Variants in TMEM178B observed in about 807,000 individuals in gnomAD.
TMEM178B encodes the protein transmembrane protein 178B.
Under a neutral mutation model 31.0 loss-of-function variants are expected in TMEM178B, and 5 were observed. The observed-to-expected ratio is 0.16, with a 90% CI of 0.08 to 0.34. The LOEUF (loss-of-function observed/expected upper bound fraction) is 0.34. Ranked by LOEUF, TMEM178B falls within the 10% of genes least tolerant of loss-of-function variation. TMEM178B has a pLI of 1.00. For missense variants in TMEM178B, 275 were observed against 400.3 expected, an observed-to-expected ratio of 0.69 and a Z score of 2.67; for synonymous variants, 164 against 164.0, an observed-to-expected ratio of 1.00 and a Z score of 0.00.
At chr7:141,213,043 G>T (rs183303236) in intron 2 of TMEM178B, among the ~76,000 whole-genome samples, 67 of 152,304 alleles carry the variant, frequency 4.4e-4, no homozygotes, top group African/African-American at 1.5e-3. Context: ...AATAATTCCA[G>T]CCTGTCTTCA....
At chr7:141,132,685 C>T (rs976907785) in intron 1 of TMEM178B, among the ~76,000 whole-genome samples, 17 of 152,062 alleles carry the variant, frequency 1.1e-4, no homozygotes, top group Admixed American at 2.0e-4. Context: ...CCATATCATG[C>T]GTGCTACCTA....
intron 2 of TMEM178B, among the ~76,000 whole-genome samples, chr7:141,343,709 C>T (rs1799559232): frequency 6.6e-6 from 1 of 152,050 alleles, no homozygotes; most frequent in African/African-American, 2.4e-5. Context: ...GCCACCAAGC[C>T]TGGCTAATTT....
In TMEM178B at chr7:141,074,487, T is replaced by G; in HGVS notation, c.177T>G (p.Asn59Lys). Residue 59 changes from asparagine (N) to lysine (K), a missense_variant, in exon 1 of 4, where the codon AAT becomes AAG. Coordinates refer to ENST00000565468, the MANE Select transcript of TMEM178B (RefSeq NM_001195278.2). The surrounding 1 kb of genome is among the most constrained non-coding windows in gnomAD (Gnocchi z 5.1). ...TCGACCCCGGCTTCATTTACAACAA[T>G]AACAACAACTTGCCGCTCCGGGCGA... ...RRVDPGFIYN[N>K]NNNLPLRASR... 6.5e-7 allele frequency: 1 copy of G among 1,535,938 alleles called. No individual in the cohort carries two copies.
At chr7:141,210,682 G>T (rs1797039292) in intron 1 of TMEM178B, among the ~76,000 whole-genome samples, 1 of 152,118 alleles carries the variant, frequency 6.6e-6, no homozygotes, top group South Asian at 2.1e-4. Context: ...AGCCTCATCT[G>T]TTTACTCCAG....
chr7:141,439,129 T>C (rs1035941703), intron 3 of TMEM178B, among the ~76,000 whole-genome samples: 1 of 152,018 alleles, frequency 6.6e-6, no homozygotes, highest in African/African-American at 2.4e-5. Context: ...TGGAGTGATC[T>C]TGGGGGTTAG....
At chr7:141,411,506 A>G (rs908229730) in intron 2 of TMEM178B, among the ~76,000 whole-genome samples, 2 of 152,338 alleles carry the variant, frequency 1.3e-5, no homozygotes, top group Admixed American at 1.3e-4. Flanking sequence ...GAGCATTTGT[A>G]AAAAACCAAA....
intron 1 of TMEM178B, among the ~76,000 whole-genome samples, chr7:141,207,439 G>A (rs959599336): frequency 1.3e-5 from 2 of 152,006 alleles, no homozygotes; most frequent in Non-Finnish European, 2.9e-5. Flanking sequence ...CCGCCTCCTC[G>A]CCAATATGAT....
intron 1 of TMEM178B, among the ~76,000 whole-genome samples, chr7:141,087,844 T>C (rs1271343796): frequency 6.6e-6 from 1 of 152,066 alleles, no homozygotes; most frequent in Non-Finnish European, 1.5e-5. Context: ...AATAGAAAAA[T>C]CCCCTCAGAA....
At chr7:141,402,431 G>A (rs1800801376) in intron 2 of TMEM178B, among the ~76,000 whole-genome samples, 2 of 152,148 alleles carry the variant, frequency 1.3e-5, no homozygotes, top group African/African-American at 4.8e-5. Context: ...GCTCATTCCT[G>A]CTAACTTTTC....
intron 1 of TMEM178B, among the ~76,000 whole-genome samples, chr7:141,160,451 C>T (rs969073670): frequency 3.3e-5 from 5 of 152,200 alleles, no homozygotes; most frequent in African/African-American, 9.7e-5. Flanking sequence ...ACTGCCTCCT[C>T]CTTGCCCCTC....
intron 1 of TMEM178B, among the ~76,000 whole-genome samples, chr7:141,147,048 G>A (rs990239076): frequency 2.0e-5 from 3 of 152,318 alleles, no homozygotes; most frequent in Admixed American, 1.3e-4. Flanking sequence ...TTAGTAATGA[G>A]AATGTATAAG....
At chr7:141,191,512 C>T (rs947046508) in intron 1 of TMEM178B, among the ~76,000 whole-genome samples, 1 of 152,248 alleles carries the variant, frequency 6.6e-6, no homozygotes, top group Non-Finnish European at 1.5e-5. Context: ...CTCACCACTG[C>T]CATCAACCTT....
At chr7:141,511,158 C>T in the TMEM178B span, among the ~76,000 whole-genome samples, 2 of 151,178 alleles carry the variant, frequency 1.3e-5, no homozygotes, top group African/African-American at 4.9e-5. Context: ...CTTAGTGTAA[C>T]AGAAGAAAGT....
At chr7:141,300,090 G>A (rs572901438) in intron 2 of TMEM178B, among the ~76,000 whole-genome samples, 1 of 152,276 alleles carries the variant, frequency 6.6e-6, no homozygotes, top group East Asian at 1.9e-4. Flanking sequence ...GGCCCCGCTT[G>A]TTTGTATTTT....
intron 1 of TMEM178B, among the ~76,000 whole-genome samples, chr7:141,205,405 T>C (rs1285513096): frequency 1.3e-5 from 2 of 152,236 alleles, no homozygotes; most frequent in Non-Finnish European, 2.9e-5. Context: ...TCGGCCACCC[T>C]GTCAGCACCA....
intron 1 of TMEM178B, among the ~76,000 whole-genome samples, chr7:141,134,269 C>A (rs763398962): frequency 5.9e-5 from 9 of 151,690 alleles, no homozygotes; most frequent in Non-Finnish European, 1.0e-4. Context: ...AACAACAACA[C>A]AAAAACCCAA....
In TMEM178B at chr7:141,478,190, C is replaced by G. The variant is rs982018545; in HGVS notation, c.*7404C>G. On this transcript the variant is annotated 3_prime_UTR_variant, in exon 4 of 4. Transcript: ENST00000565468. Reference sequence around the variant, plus strand: ...GGGAGCAGAGGTAAGATGAACGGAGCTTTGGGAAGGACAGATGGCAGAAGC... The same window carrying G: ...GGGAGCAGAGGTAAGATGAACGGAGGTTTGGGAAGGACAGATGGCAGAAGC... The G allele has an allele frequency of 6.5e-6, 1 of 152,826 alleles. No individual in the cohort carries two copies. Among genetic ancestry groups the G allele is most frequent in the Non-Finnish European group, 1.5e-5 (1 of 68,324 alleles). The allele number at this position is 152,826 out of a possible 1,614,324, so 9.5% of individuals were successfully genotyped here.
intron 2 of TMEM178B, among the ~76,000 whole-genome samples, chr7:141,356,970 A>G (rs1407299180): frequency 1.3e-5 from 2 of 152,188 alleles, no homozygotes; most frequent in African/African-American, 2.4e-5. Flanking sequence ...GGAAATGCCC[A>G]TTATGTAATT....
At chr7:141,278,681 G>A (rs113331095) in intron 2 of TMEM178B, among the ~76,000 whole-genome samples, 2,383 of 152,252 alleles carry the variant, frequency 0.016, 48 homozygotes, top group African/African-American at 0.047. Flanking sequence ...TGTTGAGTAA[G>A]GAGCAATTCC....
Sources: gnomAD v4.1 joint callset for allele counts (sites outside exome capture counted in the v4.1 genomes callset) on GRCh38, gnomAD v4.1.1 for gene constraint, Gnocchi (gnomAD v3.1) non-coding constraint, MANE v1.5 for transcripts, NCBI Gene and HGNC (gene_info 2026-07-23, HGNC 2026-07-21) for gene names.